ERC2: variants seen among roughly 807,000 people sequenced by gnomAD.
ERC2 encodes ERC protein 2.
A neutral mutation model predicts 114.8 loss-of-function variants in ERC2; 42 were observed. That is an observed-to-expected ratio of 0.37 (90% confidence interval 0.29 to 0.47). The LOEUF is 0.47. Among genes scored for constraint, ERC2 ranks in the 20% least tolerant of loss-of-function variants. The pLI is 0.99. For synonymous variants in ERC2, 454 were observed against 425.5 expected, an observed-to-expected ratio of 1.07 and a Z score of -0.82; for missense variants, 939 against 1,150.7, an observed-to-expected ratio of 0.82 and a Z score of 2.66.
intron 13 of ERC2, among the ~76,000 whole-genome samples, chr3:55,899,900 C>T (rs1428068296): frequency 6.6e-6 from 1 of 152,142 alleles, no homozygotes; most frequent in Non-Finnish European, 1.5e-5. Flanking sequence ...TAAGAAAGAT[C>T]TGCCTAGGAA....
At chr3:56,106,127 T>C (rs781070969) in intron 6 of ERC2, among the ~76,000 whole-genome samples, 8 of 152,230 alleles carry the variant, frequency 5.3e-5, no homozygotes, top group Admixed American at 1.3e-4. Flanking sequence ...ATAATCTTGA[T>C]AGGTGTCTAG....
chr3:56,197,891 C>T (rs768898120), intron 3 of ERC2, among the ~76,000 whole-genome samples: 2 of 152,206 alleles, frequency 1.3e-5, no homozygotes, highest in African/African-American at 4.8e-5. Flanking sequence ...TGATGACATA[C>T]TCTAGTTTTG....
At chr3:55,515,939 CTG>C (rs2052467839) in intron 17 of ERC2, among the ~76,000 whole-genome samples, 1 of 152,168 alleles carries the variant, frequency 6.6e-6, no homozygotes, top group African/African-American at 2.4e-5. Context: ...AAAGGGGAAA[CTG>C]TTTAATAACA....
At chr3:55,739,850 G>A (rs1203145211) in intron 14 of ERC2, among the ~76,000 whole-genome samples, 1 of 152,058 alleles carries the variant, frequency 6.6e-6, no homozygotes, top group Non-Finnish European at 1.5e-5. Context: ...GTCCTTAATG[G>A]TATTGCCTAG....
chr3:55,995,784 G>T (rs1334608270), intron 10 of ERC2, among the ~76,000 whole-genome samples: 2 of 152,186 alleles, frequency 1.3e-5, no homozygotes, highest in African/African-American at 4.8e-5. Flanking sequence ...TAACCAGCAT[G>T]AATGTGTTCT....
In ERC2 at chr3:55,573,342, T is replaced by G. The variant is rs536106397; in HGVS notation, c.*40-62066A>C. ...ATTGTCTGAGATGATGCATTTAGCA[T>G]GAAGCCAGGCAACAGCAAGCACTCA... On this transcript the variant is annotated intron_variant, in intron 17 of 17. Transcript: ENST00000288221. Among the ~76,000 whole-genome samples, 4 of 152,360 alleles carry G rather than the reference T, an allele frequency of 2.6e-5. No homozygotes were observed. In the South Asian group the frequency reaches 8.3e-4, roughly 32 times the overall value.
At chr3:55,548,357 A>G (rs1446631233) in intron 17 of ERC2, among the ~76,000 whole-genome samples, 1 of 152,210 alleles carries the variant, frequency 6.6e-6, no homozygotes, top group East Asian at 1.9e-4. Flanking sequence ...TTACTCTACT[A>G]ATTGACTATT....
At chr3:56,008,237 C>A (rs1414674858) in intron 9 of ERC2, among the ~76,000 whole-genome samples, 2 of 152,132 alleles carry the variant, frequency 1.3e-5, no homozygotes, top group Non-Finnish European at 2.9e-5. Flanking sequence ...ATAATTTACA[C>A]TGGGTTGCTT....
chr3:56,454,036 T>G (rs536506695), intron 1 of ERC2, among the ~76,000 whole-genome samples: 1 of 152,176 alleles, frequency 6.6e-6, no homozygotes, highest in Non-Finnish European at 1.5e-5. Flanking sequence ...CGTGATTCCA[T>G]CTTATAATGG....
At chr3:55,672,328 G>T (rs2061594277) in intron 17 of ERC2, among the ~76,000 whole-genome samples, 1 of 144,116 alleles carries the variant, frequency 6.9e-6, no homozygotes, top group South Asian at 2.3e-4. Context: ...GACAGAGGAG[G>T]ACCCTATCTC....
intron 4 of ERC2, among the ~76,000 whole-genome samples, chr3:56,153,152 T>G (rs189930276): frequency 7.2e-4 from 109 of 152,290 alleles, no homozygotes; most frequent in Non-Finnish European, 1.3e-3. Context: ...AGGAGTTCTC[T>G]CATTCATTCA....
At chr3:56,187,110 G>A (rs1467555321) in intron 3 of ERC2, among the ~76,000 whole-genome samples, 1 of 152,160 alleles carries the variant, frequency 6.6e-6, no homozygotes, top group African/African-American at 2.4e-5. Context: ...TAGAGAGTAA[G>A]CTATGCTGTA....
intron 13 of ERC2, among the ~76,000 whole-genome samples, chr3:55,904,366 CT>C (rs1191757545): frequency 6.6e-6 from 1 of 152,184 alleles, no homozygotes; most frequent in Non-Finnish European, 1.5e-5. Flanking sequence ...AAGATGCCCC[CT>C]GATCGAAAAT....
rs60594862 is a variant in ERC2, at chr3:55,571,124, CAAAAAAAAAAA to C, written c.*40-59859_*40-59849del. Among the ~76,000 whole-genome samples, 455 of 67,444 alleles carry C rather than the reference CAAAAAAAAAAA, an allele frequency of 6.7e-3. 2 individuals are homozygous for C. The highest frequency in any genetic ancestry group is 0.019 in the African/African-American group (433 of 23,272). 44.2% of individuals were successfully genotyped at this position (67,444 alleles called of 152,430 possible). A position where few individuals can be genotyped will look rare whatever the true frequency, so the allele number is the denominator to read the frequency against. ...GCCTGGCAACAGAGCGAGACTCCGTCAAAAAAAAAAAAAAAAAAAAAAAAAAAGTAATTCAA... is the reference window on the plus strand; with the variant it reads ...GCCTGGCAACAGAGCGAGACTCCGTCAAAAAAAAAAAAAAAAGTAATTCAA... On this transcript the variant is annotated intron_variant, in intron 17 of 17. Transcript: ENST00000288221.
intron 6 of ERC2, among the ~76,000 whole-genome samples, chr3:56,122,824 AC>A (rs1250665440): frequency 6.6e-6 from 1 of 151,976 alleles, no homozygotes; most frequent in African/African-American, 2.4e-5. Flanking sequence ...CTTTAGCAAC[AC>A]CCTCCTGTCT....
chr3:55,726,808 G>A (rs554389040), intron 15 of ERC2, among the ~76,000 whole-genome samples: 41 of 152,256 alleles, frequency 2.7e-4, no homozygotes, highest in African/African-American at 9.6e-4. Context: ...TGGTCTTAAT[G>A]CCTTCCTGCT....
chr3:56,452,346 C>T (rs1397712770), intron 1 of ERC2, among the ~76,000 whole-genome samples: 1 of 152,178 alleles, frequency 6.6e-6, no homozygotes, highest in Non-Finnish European at 1.5e-5. Flanking sequence ...ATTGAATCAT[C>T]ACCCAGTGCA....
At chr3:55,680,877 C>T (rs1262332841) in intron 17 of ERC2, among the ~76,000 whole-genome samples, 1 of 152,162 alleles carries the variant, frequency 6.6e-6, no homozygotes. Context: ...TTGGTGTAGG[C>T]AGCATAGACT....
intron 12 of ERC2, among the ~76,000 whole-genome samples, chr3:55,951,347 C>T (rs1257142790): frequency 6.6e-6 from 1 of 152,136 alleles, no homozygotes; most frequent in Non-Finnish European, 1.5e-5. Flanking sequence ...TTAGCTCAAA[C>T]ACAATAACAG....
Sources: allele counts gnomAD v4.1 joint callset (sites outside exome capture counted in the v4.1 genomes callset), GRCh38; gene constraint gnomAD v4.1.1; transcripts MANE v1.5; gene names NCBI Gene and HGNC (gene_info 2026-07-23, HGNC 2026-07-21).